Variants in KCNQ3 observed in about 807,000 individuals in gnomAD.
KCNQ3 encodes the protein potassium voltage-gated channel subfamily Q member 3, also known as potassium voltage-gated channel subfamily KQT member 3.
KCNQ3 carries 30 observed loss-of-function variants against 92.5 expected under a neutral mutation model. The observed-to-expected ratio is 0.32, with a 90% confidence interval of 0.24 to 0.44. The LOEUF (loss-of-function observed/expected upper bound fraction) is 0.44, where lower values mean the gene tolerates loss of function less well. Among genes scored for constraint, KCNQ3 ranks in the 20% least tolerant of loss-of-function variants. KCNQ3 has a pLI of 1.00. For synonymous variants in KCNQ3, 450 were observed against 468.8 expected (o/e 0.96, Z 0.52); for missense variants, 913 against 1,140.3 (o/e 0.80, Z 2.87).
intron 1 of KCNQ3, 106 bp from the exon 2 acceptor site, chr8:132,186,287 G>A (rs1265479858): frequency 1.3e-6 from 1 of 769,744 alleles, no homozygotes; most frequent in East Asian, 2.6e-5. Flanking sequence ...ACTTCTGCTG[G>A]ACATTGACAT....
In KCNQ3 at chr8:132,267,340, G is replaced by A. The variant is rs1563832668; in HGVS notation, c.387-81159C>T. On this transcript the variant is annotated intron_variant, in intron 1 of 14. Transcript: ENST00000388996. ...TTATCTTGACTCTAGAGTAAACATT[G>A]TGACTGAAAGGTATTGCCCACGTCC... Among the ~76,000 whole-genome samples the A allele has an allele frequency of 2.0e-5, 3 of 152,230 alleles. No individual in the cohort carries two copies. The East Asian group carries it at 5.8e-4, about 29-fold the overall frequency.
chr8:132,410,260 T>C (rs1270202178), intron 1 of KCNQ3, among the ~76,000 whole-genome samples: 1 of 152,192 alleles, frequency 6.6e-6, no homozygotes, highest in African/African-American at 2.4e-5. Context: ...TCGAAAAGCA[T>C]GTAAGGTAGG....
chr8:132,294,178 T>C (rs1383153344), intron 1 of KCNQ3, among the ~76,000 whole-genome samples: 2 of 152,080 alleles, frequency 1.3e-5, no homozygotes, highest in African/African-American at 2.4e-5. Flanking sequence ...TTTTTTTGTA[T>C]TTTTAGTAGA....
intron 1 of KCNQ3, among the ~76,000 whole-genome samples, chr8:132,280,727 T>C (rs923388418): frequency 6.6e-6 from 1 of 152,148 alleles, no homozygotes; most frequent in Non-Finnish European, 1.5e-5. Context: ...AGAAAGCATA[T>C]TCCAGGCAGA....
At chr8:132,139,689 A>G (rs1271838469) in intron 11 of KCNQ3, among the ~76,000 whole-genome samples, 1 of 152,208 alleles carries the variant, frequency 6.6e-6, no homozygotes, top group African/African-American at 2.4e-5. Flanking sequence ...AACAAACTAT[A>G]TGGATGAAGT....
At chr8:132,194,564 T>C (rs1349645545) in intron 1 of KCNQ3, among the ~76,000 whole-genome samples, 1 of 152,186 alleles carries the variant, frequency 6.6e-6, no homozygotes, top group Non-Finnish European at 1.5e-5. Flanking sequence ...AGAATCCAGA[T>C]TGCAGCCAAG....
intron 1 of KCNQ3, among the ~76,000 whole-genome samples, chr8:132,403,592 C>T (rs1209851709): frequency 6.6e-6 from 1 of 152,334 alleles, no homozygotes; most frequent in South Asian, 2.1e-4. Flanking sequence ...TGATCCATCC[C>T]AAACTGGGAA....
chr8:132,352,906 C>T (rs1818914532), intron 1 of KCNQ3, among the ~76,000 whole-genome samples: 1 of 152,080 alleles, frequency 6.6e-6, no homozygotes, highest in African/African-American at 2.4e-5. Context: ...CATGATGTCC[C>T]AGGAAGGCTG....
chr8:132,380,974 C>G (rs1016252624), intron 1 of KCNQ3, among the ~76,000 whole-genome samples: 2 of 147,968 alleles, frequency 1.4e-5, no homozygotes, highest in African/African-American at 5.0e-5. Flanking sequence ...AGGAGAAGGG[C>G]ATGGTGCATC....
chr8:132,435,732 T>G (rs1311953202), intron 1 of KCNQ3, among the ~76,000 whole-genome samples: 1 of 152,120 alleles, frequency 6.6e-6, no homozygotes, highest in Non-Finnish European at 1.5e-5. Flanking sequence ...TTTTATTTTA[T>G]TAAGATGAGG....
intron 1 of KCNQ3, among the ~76,000 whole-genome samples, chr8:132,295,681 CA>C (rs1235770195): frequency 6.6e-6 from 1 of 152,180 alleles, no homozygotes; most frequent in Admixed American, 6.5e-5. Flanking sequence ...GGTACATATA[CA>C]CCATGGAATA....
chr8:132,407,939 G>A (rs1820536473), intron 1 of KCNQ3, among the ~76,000 whole-genome samples: 1 of 152,146 alleles, frequency 6.6e-6, no homozygotes, highest in African/African-American at 2.4e-5. Context: ...ACATGATGGG[G>A]TGGAGGCTTC....
At chr8:132,206,113 C>T (rs151008111) in intron 1 of KCNQ3, among the ~76,000 whole-genome samples, 18 of 152,286 alleles carry the variant, frequency 1.2e-4, no homozygotes, top group African/African-American at 4.1e-4. Context: ...CAGTCCTGCC[C>T]CATGTCTTTC....
At chr8:132,154,253 C>T (rs1469099610) in intron 9 of KCNQ3, among the ~76,000 whole-genome samples, 2 of 124,928 alleles carry the variant, frequency 1.6e-5, no homozygotes, top group African/African-American at 2.9e-5. Context: ...CCCCTTCTCC[C>T]CATACAAACT....
At chr8:132,282,973 G>A (rs2130533461) in intron 1 of KCNQ3, among the ~76,000 whole-genome samples, 1 of 152,290 alleles carries the variant, frequency 6.6e-6, no homozygotes, top group Non-Finnish European at 1.5e-5. Context: ...AGGAAGCAGA[G>A]AGAAGCCTGG....
chr8:132,425,984 T>C (rs6999055), intron 1 of KCNQ3, among the ~76,000 whole-genome samples: 2,706 of 152,358 alleles, frequency 0.018, 80 homozygotes, highest in African/African-American at 0.061. Flanking sequence ...ATGAATTCTA[T>C]TGTTAAAACA....
intron 1 of KCNQ3, among the ~76,000 whole-genome samples, chr8:132,374,965 G>A (rs1331811160): frequency 6.6e-6 from 1 of 152,126 alleles, no homozygotes; most frequent in Non-Finnish European, 1.5e-5. Flanking sequence ...CTTTGCTATT[G>A]TGAATAGGGC....
At chr8:132,293,089 G>A (rs966978725) in intron 1 of KCNQ3, among the ~76,000 whole-genome samples, 14 of 152,180 alleles carry the variant, frequency 9.2e-5, no homozygotes, top group African/African-American at 3.4e-4. Context: ...GAGGGTGGCG[G>A]TGCATCCAGG....
At chr8:132,144,049 G>C (rs1235531856) in intron 9 of KCNQ3, among the ~76,000 whole-genome samples, 1 of 152,230 alleles carries the variant, frequency 6.6e-6, no homozygotes, top group Non-Finnish European at 1.5e-5. Flanking sequence ...ATATAAGGAA[G>C]ATAATGAGAG....
Sources: gnomAD v4.1 joint callset for allele counts (sites outside exome capture counted in the v4.1 genomes callset) on GRCh38, gnomAD v4.1.1 for gene constraint, MANE v1.5 for transcripts, NCBI Gene and HGNC (gene_info 2026-07-23, HGNC 2026-07-21) for gene names.